The following FOXP1 variants were observed in gnomAD, a reference collection of about 807,000 sequenced individuals.
FOXP1 encodes the protein forkhead box protein P1.
Under a neutral mutation model 98.2 loss-of-function variants are expected in FOXP1, and 15 were observed. That is an observed-to-expected ratio of 0.15 (90% CI 0.10 to 0.24). The LOEUF (loss-of-function observed/expected upper bound fraction) is 0.24. Among genes scored for constraint, FOXP1 ranks in the 10% least tolerant of loss-of-function variants. The pLI, the probability that FOXP1 is intolerant of heterozygous loss-of-function variation, is 1.00. For synonymous variants in FOXP1, 371 were observed against 314.5 expected (o/e 1.18, Z -1.90); for missense variants, 633 against 848.5 (o/e 0.75, Z 3.15).
chr3:71,233,597 T>C (rs75180301), intron 5 of FOXP1, among the ~76,000 whole-genome samples: 1 of 150,108 alleles, frequency 6.7e-6, no homozygotes, highest in South Asian at 2.1e-4. Context: ...TGACTCTTTT[T>C]TTTTTTTTTT....
chr3:71,263,771 T>C (rs554558108), intron 5 of FOXP1, among the ~76,000 whole-genome samples: 7 of 151,764 alleles, frequency 4.6e-5, no homozygotes, highest in African/African-American at 1.7e-4. Flanking sequence ...TGAAATAGGG[T>C]CTCACTCTGT....
intron 5 of FOXP1, among the ~76,000 whole-genome samples, chr3:71,237,977 T>C (rs2066940006): frequency 6.6e-6 from 1 of 152,230 alleles, no homozygotes; most frequent in Non-Finnish European, 1.5e-5. Context: ...ACTAAAAGAC[T>C]GAGAAATTAG....
intron 3 of FOXP1, among the ~76,000 whole-genome samples, chr3:71,419,230 A>C (rs558783573): frequency 1.1e-5 from 1 of 90,740 alleles, no homozygotes; most frequent in Non-Finnish European, 2.2e-5. Flanking sequence ...GGGAGACTCC[A>C]TCTCAAAAAA....
chr3:71,096,663 T>C (rs2056484718), intron 7 of FOXP1, among the ~76,000 whole-genome samples: 4 of 152,232 alleles, frequency 2.6e-5, no homozygotes, highest in African/African-American at 9.6e-5. Flanking sequence ...GCATTTTAGA[T>C]ACTGTAGATC....
intron 2 of FOXP1, among the ~76,000 whole-genome samples, chr3:71,524,556 A>G (rs2043228869): frequency 6.6e-6 from 1 of 151,614 alleles, no homozygotes; most frequent in Admixed American, 6.6e-5. Flanking sequence ...AAAAAAAAAA[A>G]AGCAAGCCAA....
At chr3:71,084,696 T>C (rs2054830746) in intron 7 of FOXP1, among the ~76,000 whole-genome samples, 1 of 152,220 alleles carries the variant, frequency 6.6e-6, no homozygotes, top group Non-Finnish European at 1.5e-5. Flanking sequence ...AACACTATTT[T>C]TCAAAGTCTT....
intron 2 of FOXP1, among the ~76,000 whole-genome samples, chr3:71,549,339 C>T (rs2045596179): frequency 6.6e-6 from 1 of 152,158 alleles, no homozygotes; most frequent in Non-Finnish European, 1.5e-5. Context: ...TGAGTAAAGG[C>T]ACATGTTTTT....
At chr3:71,560,348 T>C (rs564929737) in intron 2 of FOXP1, among the ~76,000 whole-genome samples, 3 of 152,338 alleles carry the variant, frequency 2.0e-5, no homozygotes, top group African/African-American at 4.8e-5. Flanking sequence ...CAACCAGGTA[T>C]GGCACTGGAA....
At chr3:71,019,558 G>A (rs961880721) in intron 11 of FOXP1, among the ~76,000 whole-genome samples, 75 of 152,106 alleles carry the variant, frequency 4.9e-4, no homozygotes, top group Non-Finnish European at 2.2e-4. Flanking sequence ...GTTCGGGGGC[G>A]GTGGCTCACG....
At chr3:70,976,533 T>C (rs923037981) in intron 17 of FOXP1, among the ~76,000 whole-genome samples, 2 of 152,250 alleles carry the variant, frequency 1.3e-5, no homozygotes, top group African/African-American at 2.4e-5. Flanking sequence ...TCAAGTTTGG[T>C]CATTTCTCCA....
At chr3:71,380,356 T>C (rs932420095) in intron 3 of FOXP1, among the ~76,000 whole-genome samples, 2 of 152,132 alleles carry the variant, frequency 1.3e-5, no homozygotes, top group Non-Finnish European at 2.9e-5. Context: ...GTCTGGCAAC[T>C]GGGAAGGCAG....
At chr3:71,404,120 C>CTTTT (rs869086663) in intron 3 of FOXP1, among the ~76,000 whole-genome samples, 851 of 62,670 alleles carry the variant, frequency 0.014, 76 homozygotes, top group Non-Finnish European at 0.017. Context: ...TTTTCTTTTT[C>CTTTT]TTTTTTTTTT....
chr3:71,242,057 G>A (rs1049232287), intron 5 of FOXP1, among the ~76,000 whole-genome samples: 8 of 152,184 alleles, frequency 5.3e-5, no homozygotes, highest in East Asian at 3.9e-4. Context: ...ACAAGGCTTC[G>A]CTTATATTTA....
chr3:71,458,979 A>T (rs2087763385), intron 3 of FOXP1, among the ~76,000 whole-genome samples: 1 of 152,226 alleles, frequency 6.6e-6, no homozygotes, highest in African/African-American at 2.4e-5. Flanking sequence ...CAGAAAGGAT[A>T]TGATAGCTGA....
At chr3:71,255,465 T>A (rs1384507526) in intron 5 of FOXP1, among the ~76,000 whole-genome samples, 18 of 152,202 alleles carry the variant, frequency 1.2e-4, no homozygotes, top group Non-Finnish European at 2.9e-5. Context: ...TTATTATGTT[T>A]CCTCGCTTTC....
intron 5 of FOXP1, among the ~76,000 whole-genome samples, chr3:71,206,153 T>C (rs921088213): frequency 3.9e-5 from 6 of 152,206 alleles, no homozygotes; most frequent in Non-Finnish European, 8.8e-5. Flanking sequence ...TACTAAATGT[T>C]TGACTAAATG....
chr3:71,134,926 C>T (rs2059743378), intron 6 of FOXP1, among the ~76,000 whole-genome samples: 1 of 152,140 alleles, frequency 6.6e-6, no homozygotes, highest in South Asian at 2.1e-4. Context: ...TCACAGCCAC[C>T]TCACATACAT....
chr3:71,393,874 T>C (rs2081205574), intron 3 of FOXP1, among the ~76,000 whole-genome samples: 1 of 152,236 alleles, frequency 6.6e-6, no homozygotes, highest in Non-Finnish European at 1.5e-5. Flanking sequence ...TTTAAATTTT[T>C]TGTAGAGATG....
At chr3:71,383,945 C>A (rs373536562) in intron 3 of FOXP1, among the ~76,000 whole-genome samples, 1 of 152,148 alleles carries the variant, frequency 6.6e-6, no homozygotes, top group African/African-American at 2.4e-5. Context: ...CTGGCGGGCG[C>A]GGTGGCTCAC....
Sources: gnomAD v4.1 joint callset for allele counts (sites outside exome capture counted in the v4.1 genomes callset) on GRCh38, gnomAD v4.1.1 for gene constraint, MANE v1.5 for transcripts, NCBI Gene and HGNC (gene_info 2026-07-23, HGNC 2026-07-21) for gene names.